SPTBN4: variants seen among roughly 807,000 people sequenced by gnomAD.
The protein encoded by SPTBN4 is spectrin beta chain, non-erythrocytic 4.
Under a neutral mutation model 277.8 loss-of-function variants are expected in SPTBN4, and 96 were observed. That is an observed-to-expected ratio of 0.35 (90% CI 0.29 to 0.41). The LOEUF (loss-of-function observed/expected upper bound fraction) is 0.41, where lower values mean the gene tolerates loss of function less well. SPTBN4 is among the 10% of genes least tolerant of loss of function. SPTBN4 has a pLI of 1.00. For synonymous variants in SPTBN4, 1,481 were observed against 1,580.3 expected, an observed-to-expected ratio of 0.94 and a Z score of 1.49; for missense variants, 3,006 against 3,595.7, an observed-to-expected ratio of 0.84 and a Z score of 4.19.
intron 20 of SPTBN4, among the ~76,000 whole-genome samples, chr19:40,542,067 G>T (rs531598550): frequency 6.6e-6 from 1 of 152,040 alleles, no homozygotes; most frequent in Non-Finnish European, 1.5e-5. Flanking sequence ...GATTACAGGC[G>T]TGAGCCACCA....
chr19:40,534,438 T>G, intron 20 of SPTBN4, 95 bp downstream of exon 20: 1 of 1,420,398 alleles, frequency 7.0e-7, no homozygotes, highest in Non-Finnish European at 9.5e-7. Flanking sequence ...TGGAGGGGAT[T>G]TAATACAGGG....
At position 40,512,864 on chromosome 19, in the gene SPTBN4, C is replaced by G; in HGVS notation, c.2075C>G (p.Ser692Cys). ...AGTAGGAHDL[S>C]STARLLAQHK... is the part of the protein sequence containing the mutation. ...ACAGCGGGCGGCGCGCATGACCTGT[C>G]CAGCACAGCGCGCCTCCTGGCCCAG... is the stretch of plus-strand genomic sequence containing the variant. Residue 692 changes from serine to cysteine, a missense_variant, in exon 14 of 36, where the codon TCC becomes TGC. Physicochemically the swap from Ser to Cys is moderately radical, Grantham distance 112 (BLOSUM62 -1). Transcript: ENST00000598249. 6.9e-7 allele frequency: 1 copy of G among 1,450,456 alleles called. No homozygotes were observed. Among genetic ancestry groups the G allele is most frequent in the Non-Finnish European group, 9.0e-7 (1 of 1,113,914 alleles). The allele number at this position is 1,450,456 out of a possible 1,614,324, so 89.8% of individuals were successfully genotyped here.
intron 35 of SPTBN4, among the ~76,000 whole-genome samples, chr19:40,573,394 T>G (rs1257504187): frequency 6.6e-6 from 1 of 152,198 alleles, no homozygotes; most frequent in Admixed American, 6.5e-5. Context: ...AAGGGTTAAC[T>G]GCTGGAGGGC....
intron 2 of SPTBN4, among the ~76,000 whole-genome samples, chr19:40,486,130 C>T (rs530986201): frequency 2.6e-4 from 39 of 151,720 alleles, no homozygotes; most frequent in African/African-American, 8.9e-4. Context: ...GTCTCCACAC[C>T]AAATACAAAA....
chr19:40,542,077 A>G (rs1359698806), intron 20 of SPTBN4, among the ~76,000 whole-genome samples: 1 of 152,038 alleles, frequency 6.6e-6, no homozygotes. Flanking sequence ...GTGAGCCACC[A>G]CGCCCGGCTA....
chr19:40,472,261 T>C (rs924270758), intron 1 of SPTBN4, among the ~76,000 whole-genome samples: 16 of 152,042 alleles, frequency 1.1e-4, no homozygotes, highest in Admixed American at 1.1e-3. Context: ...CCCAGGCTTG[T>C]CTCGAACTCC....
Position 40,490,423 on chromosome 19 carries a change from G to A in SPTBN4, c.495+175G>A, listed in dbSNP as rs764268485. Among the ~76,000 whole-genome samples, 21 of 152,162 alleles carry A rather than the reference G, an allele frequency of 1.4e-4. No individual in the cohort carries two copies. The highest frequency in any genetic ancestry group is 2.2e-4 in the Non-Finnish European group (15 of 68,026). The stretch of plus-strand genomic sequence containing the variant: ...TAATTGTCACGATCACCACCATCAC[G>A]ATAATCATTTTGTATCGACCCTGTT... On this transcript the variant is annotated intron_variant, in intron 4 of 35. Transcript: ENST00000598249. This position sits in a 1 kb window ranked among gnomAD's most constrained non-coding sequence, Gnocchi z 4.3.
chr19:40,519,159 G>A lies in SPTBN4; in HGVS notation c.2904-242G>A, dbSNP rs2080493414. Among the ~76,000 whole-genome samples, 1 of 152,134 alleles carries A rather than the reference G, an allele frequency of 6.6e-6. No homozygotes were observed. The highest frequency in any genetic ancestry group is 1.5e-5 in the Non-Finnish European group (1 of 68,018). On this transcript the variant is annotated intron_variant, in intron 15 of 35. Coordinates refer to ENST00000598249, the MANE Select transcript of SPTBN4 (RefSeq NM_020971.3). The surrounding 1 kb of genome is among the most constrained non-coding windows in gnomAD (Gnocchi z 5.7). ...AAAGAATGAGAGTGAAAAAGCAAATGGCGTCTTAACACATTTTTATGAAGA... is the reference window on the plus strand; with the variant it reads ...AAAGAATGAGAGTGAAAAAGCAAATAGCGTCTTAACACATTTTTATGAAGA...
Position 40,513,234 on chromosome 19 carries a change from C to T in SPTBN4, c.2445C>T (p.His815=). 9.9e-6 allele frequency: 15 copies of T among 1,516,244 alleles called. No homozygotes were observed. Among genetic ancestry groups the T allele is most frequent in the Non-Finnish European group, 1.2e-5 (14 of 1,139,108 alleles). The allele number at this position is 1,516,244 out of a possible 1,614,324, so 93.9% of individuals were successfully genotyped here. ...CCAGCCGCCGCCTGGCGCGCCAGCA[C>T]CGCGCGCTCACCGGGGAGGTGGAGG... The part of the protein sequence containing the change: ...EASSRRLARQ[H]RALTGEVEAH... The change falls in exon 14 of 36, where the codon CAC becomes CAT. Residue 815 remains histidine (H), a synonymous_variant. Coordinates refer to ENST00000598249, the MANE Select transcript of SPTBN4 (RefSeq NM_020971.3).
intron 20 of SPTBN4, among the ~76,000 whole-genome samples, chr19:40,543,785 G>C (rs1291408195): frequency 6.6e-6 from 1 of 152,112 alleles, no homozygotes; most frequent in Non-Finnish European, 1.5e-5. Flanking sequence ...ATCCCAAAGA[G>C]AGCCTCAGTT....
chr19:40,507,830 C>A (rs1476464117), intron 13 of SPTBN4, among the ~76,000 whole-genome samples: 1 of 152,170 alleles, frequency 6.6e-6, no homozygotes, highest in Non-Finnish European at 1.5e-5. Flanking sequence ...GAGCGAGACT[C>A]CTTCTCAAAA....
intron 12 of SPTBN4, among the ~76,000 whole-genome samples, chr19:40,505,382 CAAAAA>C (rs1209780246): frequency 3.6e-5 from 2 of 55,864 alleles, no homozygotes; most frequent in Non-Finnish European, 6.5e-5. Context: ...GACCCTGTCT[CAAAAA>C]AAAAAAAAAA....
At chr19:40,568,432 T>A in intron 31 of SPTBN4, 150 bp downstream of exon 31, 1 of 1,147,884 alleles carries the variant, frequency 8.7e-7, no homozygotes, top group Non-Finnish European at 1.2e-6. Flanking sequence ...AGGTGTAAAC[T>A]GAAGCTGCAA....
chr19:40,501,787 G>A, intron 7 of SPTBN4, 134 bp from the exon 8 acceptor site: 1 of 721,662 alleles, frequency 1.4e-6, no homozygotes, highest in Non-Finnish European at 2.4e-6. Flanking sequence ...AAAACCTGAG[G>A]AACAGAGAGG....
chr19:40,494,991 T>C lies in SPTBN4; in HGVS notation c.668+14T>C. 1 of 1,613,762 alleles carries C rather than the reference T, an allele frequency of 6.2e-7. No homozygotes were observed. Among genetic ancestry groups the C allele is most frequent in the Non-Finnish European group, 8.5e-7 (1 of 1,179,668 alleles). Reference sequence around the variant, plus strand: ...TCACCGGCACAGGTACCACCTGGCCTGGGACAGCCCAGTCCTGCCCTTCAG... The same window carrying C: ...TCACCGGCACAGGTACCACCTGGCCCGGGACAGCCCAGTCCTGCCCTTCAG... On this transcript the variant is annotated intron_variant, in intron 6 of 35. Transcript: ENST00000598249.
intron 5 of SPTBN4, among the ~76,000 whole-genome samples, chr19:40,494,501 T>C (rs1456498615): frequency 6.6e-6 from 1 of 151,930 alleles, no homozygotes; most frequent in Admixed American, 6.6e-5. Flanking sequence ...CTATCTTCTA[T>C]CAATCTATAT....
intron 20 of SPTBN4, among the ~76,000 whole-genome samples, chr19:40,547,962 G>T (rs1034111016): frequency 6.6e-6 from 1 of 152,128 alleles, no homozygotes; most frequent in Non-Finnish European, 1.5e-5. Context: ...CTCTGTTTAG[G>T]TCTTTAATCC....
At chr19:40,552,601 A>G (rs2080931378) in intron 22 of SPTBN4, among the ~76,000 whole-genome samples, 2 of 152,132 alleles carry the variant, frequency 1.3e-5, no homozygotes, top group South Asian at 4.1e-4. Flanking sequence ...TCACCAAACA[A>G]TGTATGTTGG....
In SPTBN4 at chr19:40,560,906, C is replaced by G. The variant is rs2081036135; in HGVS notation, c.5915+503C>G. Among the ~76,000 whole-genome samples, 1 of 149,198 alleles carries G rather than the reference C, an allele frequency of 6.7e-6. No individual in the cohort carries two copies. The highest frequency in any genetic ancestry group is 2.1e-4 in the South Asian group (1 of 4,714). On this transcript the variant is annotated intron_variant, in intron 27 of 35. Transcript: ENST00000598249. The surrounding 1 kb of genome is among the most constrained non-coding windows in gnomAD (Gnocchi z 5.2). Reference sequence around the variant, plus strand: ...CACATGCTGGACCCTCTGCATCCCGCTGCAGATGGGAAAAGATAGCAGGAG... The same window carrying G: ...CACATGCTGGACCCTCTGCATCCCGGTGCAGATGGGAAAAGATAGCAGGAG...
Sources: allele counts gnomAD v4.1 joint callset (sites outside exome capture counted in the v4.1 genomes callset), GRCh38; gene constraint gnomAD v4.1.1; non-coding constraint Gnocchi (gnomAD v3.1); transcripts MANE v1.5; gene names NCBI Gene and HGNC (gene_info 2026-07-23, HGNC 2026-07-21).